PDXK: variants seen among roughly 807,000 people sequenced by gnomAD.
PDXK encodes the protein epididymis secretory sperm binding protein Li 1a.
Under a neutral mutation model 43.2 loss-of-function variants are expected in PDXK, and 15 were observed. The ratio of observed to expected loss-of-function variants is 0.35; its 90% CI spans 0.23 to 0.53. PDXK has a LOEUF of 0.53. Ranked by LOEUF, PDXK falls within the 20% of genes least tolerant of loss-of-function variation. PDXK has a pLI of 0.92. For missense variants in PDXK, 343 were observed against 417.0 expected, an observed-to-expected ratio of 0.82 and a Z score of 1.54; for synonymous variants, 172 against 165.4, an observed-to-expected ratio of 1.04 and a Z score of -0.31.
intron 1 of PDXK, among the ~76,000 whole-genome samples, chr21:43,730,129 A>G (rs1025339593): frequency 2.0e-5 from 3 of 150,562 alleles, no homozygotes; most frequent in Non-Finnish European, 4.4e-5. Context: ...TGATTGATTG[A>G]TTTGGTTTGA....
intron 3 of PDXK, among the ~76,000 whole-genome samples, chr21:43,742,882 T>C (rs778406392): frequency 2.0e-5 from 3 of 152,066 alleles, no homozygotes; most frequent in Admixed American, 2.0e-4. Flanking sequence ...TAAATAAGAT[T>C]AAAGTGTCAT....
At chr21:43,752,153 C>T (rs1219624717) in intron 7 of PDXK, among the ~76,000 whole-genome samples, 1 of 152,134 alleles carries the variant, frequency 6.6e-6, no homozygotes, top group Non-Finnish European at 1.5e-5. Flanking sequence ...CGATCTGAGG[C>T]AACCGTGCGG....
chr21:43,730,358 T>G (rs939025475), intron 1 of PDXK, among the ~76,000 whole-genome samples: 1 of 152,150 alleles, frequency 6.6e-6, no homozygotes, highest in Admixed American at 6.5e-5. Context: ...ACTCCTGACC[T>G]CAGGTGATCC....
In PDXK at chr21:43,739,982, C is replaced by G. The variant is rs572628195; in HGVS notation, c.143-1685C>G. ...GCAGGCTGCTGTGTGAGGCACTGACCTCGCCCGCAGTGGATACCACCTGCC... is the reference window on the plus strand; with the variant it reads ...GCAGGCTGCTGTGTGAGGCACTGACGTCGCCCGCAGTGGATACCACCTGCC... On this transcript the variant is annotated intron_variant, in intron 2 of 10. Coordinates refer to ENST00000291565, the MANE Select transcript of PDXK (RefSeq NM_003681.5). Among the ~76,000 whole-genome samples the G allele has an allele frequency of 2.0e-5, 3 of 151,984 alleles. No individual in the cohort carries two copies. The East Asian group carries it at 5.8e-4, about 29-fold the overall frequency.
intron 1 of PDXK, among the ~76,000 whole-genome samples, chr21:43,730,276 C>T (rs2083301319): frequency 6.6e-6 from 1 of 152,062 alleles, no homozygotes; most frequent in Non-Finnish European, 1.5e-5. Flanking sequence ...CAGGCACGAG[C>T]CACTACACCC....
intron 1 of PDXK, among the ~76,000 whole-genome samples, chr21:43,726,020 C>G (rs1443657541): frequency 6.6e-6 from 1 of 151,328 alleles, no homozygotes; most frequent in Non-Finnish European, 1.5e-5. Flanking sequence ...GATTCTCTCT[C>G]TCTCTCTCTC....
At chr21:43,752,200 C>T (rs1049816549) in intron 7 of PDXK, among the ~76,000 whole-genome samples, 17 of 152,200 alleles carry the variant, frequency 1.1e-4, no homozygotes, top group African/African-American at 3.9e-4. Flanking sequence ...GAAAAGCCAA[C>T]GTACAGAGGG....
In PDXK at chr21:43,737,220, C is replaced by A; in HGVS notation, c.142+3097C>A. On this transcript the variant is annotated intron_variant, in intron 2 of 10. Coordinates refer to ENST00000291565, the MANE Select transcript of PDXK (RefSeq NM_003681.5). The surrounding 1 kb of genome is among the most constrained non-coding windows in gnomAD (Gnocchi z 4.8). ...AAGCTGCGTTGTTGGTTCCCTGACGCCCTTCAGGCTGGGGGGTGGGAAAGC... is the reference window on the plus strand; with the variant it reads ...AAGCTGCGTTGTTGGTTCCCTGACGACCTTCAGGCTGGGGGGTGGGAAAGC... The A allele has an allele frequency of 7.0e-7, 1 of 1,433,820 alleles. No individual in the cohort carries two copies. Among genetic ancestry groups the A allele is most frequent in the South Asian group, 1.5e-5 (1 of 67,188 alleles). 88.8% of individuals were successfully genotyped at this position (1,433,820 alleles called of 1,614,324 possible).
In PDXK at chr21:43,754,580, G is replaced by A. The variant is rs1568994283; in HGVS notation, c.759+861G>A. On this transcript the variant is annotated intron_variant, in intron 9 of 10. Coordinates refer to ENST00000291565, the MANE Select transcript of PDXK (RefSeq NM_003681.5). This position sits in a 1 kb window ranked among gnomAD's most constrained non-coding sequence, Gnocchi z 5.5. ...CTCTGAGGTGGTCCCCAGCCCCTGG[G>A]CTCAGCCCCCAAAACTCCCCTGGGT... Among the ~76,000 whole-genome samples, 1 of 152,082 alleles carries A rather than the reference G, an allele frequency of 6.6e-6. No individual in the cohort carries two copies. Among genetic ancestry groups the A allele is most frequent in the African/African-American group, 2.4e-5 (1 of 41,396 alleles).
intron 5 of PDXK, among the ~76,000 whole-genome samples, chr21:43,748,794 G>T (rs1393538822): frequency 6.6e-6 from 1 of 152,202 alleles, no homozygotes; most frequent in Non-Finnish European, 1.5e-5. Context: ...AGCACTTAGG[G>T]TTCCCCACTC....
intron 1 of PDXK, chr21:43,729,091 G>A: frequency 9.1e-6 from 8 of 875,828 alleles, no homozygotes; most frequent in Non-Finnish European, 9.4e-6. Context: ...CCGCAATCCT[G>A]CCCCCTGGCT....
intron 1 of PDXK, among the ~76,000 whole-genome samples, chr21:43,729,847 G>A (rs1173432904): frequency 6.6e-6 from 1 of 152,086 alleles, no homozygotes; most frequent in Non-Finnish European, 1.5e-5. Context: ...AGGAGGCTAA[G>A]GCAGGAGAAT....
At chr21:43,755,660 AG>A (rs1462234048) in intron 9 of PDXK, 37 bp from the exon 10 acceptor site, 1 of 1,548,100 alleles carries the variant, frequency 6.5e-7, no homozygotes, top group African/African-American at 1.4e-5. Context: ...GGGTGTTGTG[AG>A]TGGGCCAGGG....
At chr21:43,755,822 G>T in intron 10 of PDXK, 58 bp downstream of exon 10, 1 of 1,528,088 alleles carries the variant, frequency 6.5e-7, no homozygotes, top group South Asian at 1.1e-5. Flanking sequence ...GTGGGTGGGA[G>T]AGAAGAGCTG....
chr21:43,729,800 C>T (rs1340859803), intron 1 of PDXK, among the ~76,000 whole-genome samples: 2 of 151,838 alleles, frequency 1.3e-5, no homozygotes, highest in Non-Finnish European at 2.9e-5. Context: ...AAAAATTAAC[C>T]AGGCATGGTG....
At chr21:43,722,992 C>T (rs2083219772) in intron 1 of PDXK, among the ~76,000 whole-genome samples, 2 of 152,174 alleles carry the variant, frequency 1.3e-5, no homozygotes, top group South Asian at 4.2e-4. Flanking sequence ...CGCCCGCCAC[C>T]ACGCCTGGCT....
At position 43,735,411 on chromosome 21, in the gene PDXK, C is replaced by T. The variant is rs947992596; in HGVS notation, c.142+1288C>T. Among the ~76,000 whole-genome samples, 2 of 152,198 alleles carry T rather than the reference C, an allele frequency of 1.3e-5. No homozygotes were observed. Among genetic ancestry groups the T allele is most frequent in the Non-Finnish European group, 2.9e-5 (2 of 68,026 alleles). On this transcript the variant is annotated intron_variant, in intron 2 of 10. Coordinates refer to ENST00000291565, the MANE Select transcript of PDXK (RefSeq NM_003681.5). This position sits in a 1 kb window ranked among gnomAD's most constrained non-coding sequence, Gnocchi z 5.3. ...TGGATTCCAGGTTGCGGGAGGGCCC[C>T]GGGCTTTGGCAATGCCTTCCAGGCT...
intron 3 of PDXK, among the ~76,000 whole-genome samples, chr21:43,742,927 G>A (rs2083562395): frequency 6.6e-6 from 1 of 152,112 alleles, no homozygotes; most frequent in Non-Finnish European, 1.5e-5. Flanking sequence ...ATAAATAAAG[G>A]AAAGATCACT....
chr21:43,726,296 G>A (rs1325179236), intron 1 of PDXK, among the ~76,000 whole-genome samples: 11 of 122,574 alleles, frequency 9.0e-5, no homozygotes, highest in South Asian at 5.0e-4. Flanking sequence ...TTTTTGAGAC[G>A]GAGTCTCACT....
Sources: allele counts gnomAD v4.1 joint callset (sites outside exome capture counted in the v4.1 genomes callset), GRCh38; gene constraint gnomAD v4.1.1; non-coding constraint Gnocchi (gnomAD v3.1); transcripts MANE v1.5; gene names NCBI Gene and HGNC (gene_info 2026-07-23, HGNC 2026-07-21).